Variants in CFAP46 observed in about 807,000 individuals in gnomAD.
CFAP46 encodes the protein cilia- and flagella-associated protein 46.
CFAP46 carries 245 observed loss-of-function variants against 325.7 expected under a neutral mutation model. The observed-to-expected ratio is 0.75, with a 90% confidence interval of 0.68 to 0.84. CFAP46 has a LOEUF of 0.84. CFAP46 is among the 40% of genes least tolerant of loss of function. CFAP46 has a pLI of 0.00. For missense variants in CFAP46, 3,346 were observed against 3,543.0 expected (o/e 0.94, Z 1.41); for synonymous variants, 1,523 against 1,495.9 (o/e 1.02, Z -0.42).
At chr10:132,837,914 G>C (rs1340679528) in intron 44 of CFAP46, among the ~76,000 whole-genome samples, 1 of 147,824 alleles carries the variant, frequency 6.8e-6, no homozygotes, top group African/African-American at 2.5e-5. Context: ...CACATACACG[G>C]ACCCAGACAC....
chr10:132,846,025 G>C, intron 44 of CFAP46, 32 bp downstream of exon 44: 1 of 1,586,392 alleles, frequency 6.3e-7, no homozygotes, highest in Non-Finnish European at 8.5e-7. Flanking sequence ...CCAGAGCTGG[G>C]GGCAGGTTCA....
At chr10:132,928,100 G>A (rs911014917) in intron 9 of CFAP46, among the ~76,000 whole-genome samples, 6 of 152,148 alleles carry the variant, frequency 3.9e-5, no homozygotes, top group Admixed American at 6.5e-5. Flanking sequence ...GCGACCCCAC[G>A]TCAGCAGGGG....
chr10:132,867,283 C>T (rs1848828785), intron 34 of CFAP46, 92 bp downstream of exon 34: 8 of 1,463,796 alleles, frequency 5.5e-6, no homozygotes, highest in East Asian at 2.5e-5. Flanking sequence ...ACACACAGGC[C>T]GGCCGCCTGG....
Position 132,866,010 on chromosome 10 carries a change from G to T in CFAP46, c.4890+15C>A, listed in dbSNP as rs1162845247. 6 of 1,491,086 alleles carry T rather than the reference G, an allele frequency of 4.0e-6. No homozygotes were observed. Among genetic ancestry groups the T allele is most frequent in the Non-Finnish European group, 4.5e-6 (5 of 1,115,862 alleles). 92.4% of individuals were successfully genotyped at this position (1,491,086 alleles called of 1,614,324 possible). Reference sequence around the variant, plus strand: ...AGCGGCTGTGGATGGTGATGGGCTGGGAGGGGCTCCTCACCTGGAAAGCCA... The same window carrying T: ...AGCGGCTGTGGATGGTGATGGGCTGTGAGGGGCTCCTCACCTGGAAAGCCA... On this transcript the variant is annotated intron_variant, in intron 35 of 57. Transcript: ENST00000368586.
intron 44 of CFAP46, among the ~76,000 whole-genome samples, chr10:132,838,515 G>C (rs1015200186): frequency 6.6e-6 from 1 of 152,404 alleles, no homozygotes; most frequent in African/African-American, 2.4e-5. Context: ...GCTCAGGTGG[G>C]CTTTTCTGCC....
intron 36 of CFAP46, 79 bp from the exon 37 acceptor site, chr10:132,860,602 GGA>G: frequency 8.1e-7 from 1 of 1,230,864 alleles, no homozygotes; most frequent in South Asian, 1.3e-5. Context: ...GGGCGGGCAG[GGA>G]CAGATACGGG....
Position 132,817,790 on chromosome 10 carries a change from G to A in CFAP46, c.7118-2876C>T, listed in dbSNP as rs924489231. ...TGCTGTTAACCAATTACTACAAAAC[G>A]CAGGCTTGATGTGGCACTGCTTCCT... is the stretch of plus-strand genomic sequence containing the variant. On this transcript the variant is annotated intron_variant, in intron 50 of 57. Coordinates refer to ENST00000368586, the MANE Select transcript of CFAP46 (RefSeq NM_001200049.3). This position sits in a 1 kb window ranked among gnomAD's most constrained non-coding sequence, Gnocchi z 4.4. 1.3e-5 allele frequency among the ~76,000 whole-genome samples: 2 copies of A among 152,228 alleles called. No individual in the cohort carries two copies. Among genetic ancestry groups the A allele is most frequent in the African/African-American group, 4.8e-5 (2 of 41,464 alleles).
intron 37 of CFAP46, among the ~76,000 whole-genome samples, 156 bp from the exon 38 acceptor site, chr10:132,859,403 A>G (rs547501663): frequency 7.2e-4 from 109 of 152,234 alleles, no homozygotes; most frequent in African/African-American, 5.5e-4. Context: ...TATGGGCCTC[A>G]TTCTGTGATC....
chr10:132,868,522 C>A (rs959868645), intron 33 of CFAP46, among the ~76,000 whole-genome samples: 17 of 152,210 alleles, frequency 1.1e-4, no homozygotes, highest in Non-Finnish European at 2.5e-4. Flanking sequence ...CAGGTGAAGG[C>A]TGGTTACCAC....
intron 25 of CFAP46, among the ~76,000 whole-genome samples, chr10:132,890,753 G>A (rs933982268): frequency 4.6e-5 from 7 of 152,148 alleles, no homozygotes; most frequent in Non-Finnish European, 2.9e-5. Flanking sequence ...CGGACTTGCC[G>A]TGTGCGTCGG....
chr10:132,940,396 T>C (rs935785792), intron 4 of CFAP46, among the ~76,000 whole-genome samples: 2 of 151,832 alleles, frequency 1.3e-5, no homozygotes, highest in African/African-American at 4.8e-5. Context: ...TGAAGCATGA[T>C]ATTTGTTTTT....
intron 50 of CFAP46, among the ~76,000 whole-genome samples, chr10:132,818,802 C>T (rs182727885): frequency 8.9e-4 from 134 of 150,216 alleles, no homozygotes; most frequent in African/African-American, 3.2e-3. Context: ...TGCAGTGAGC[C>T]GAGATTGCGC....
rs1177516576 is a variant in CFAP46 at position 132,938,609 on chromosome 10, C to G, written c.516G>C (p.Glu172Asp). 2 of 1,613,424 alleles carry G rather than the reference C, an allele frequency of 1.2e-6. No homozygotes were observed. The highest frequency in any genetic ancestry group is 1.7e-6 in the Non-Finnish European group (2 of 1,179,984). The change falls in exon 5 of 58, where the codon GAG (glutamate) becomes GAC (aspartate). Residue 172 changes from glutamate to aspartate, a missense_variant. Physicochemically the swap from Glu to Asp is conservative, Grantham distance 45. Coordinates refer to ENST00000368586, the MANE Select transcript of CFAP46 (RefSeq NM_001200049.3). The stretch of plus-strand genomic sequence containing the variant: ...CTCACAGCATCAGCTCAGCACGCCA[C>G]TCCTTGTCTTCCTCCTCAGTCTGAC... ...VLSQTEEEDK[E>D]WRAELMLELL... is the part of the protein sequence containing the mutation.
chr10:132,825,343 C>G (rs542469698), intron 50 of CFAP46, among the ~76,000 whole-genome samples: 3 of 152,110 alleles, frequency 2.0e-5, no homozygotes, highest in East Asian at 3.9e-4. Flanking sequence ...TGTGTGTGTC[C>G]ACCGCGCTGT....
Position 132,898,845 on chromosome 10 carries a change from A to G in CFAP46, c.3219+114T>C, listed in dbSNP as rs769733175. ...TCCCCTCCTCGGCTGGTGCTGGTGC[A>G]CCCTCTGGGAGGCCTGTGGGGTCTG... On this transcript the variant is annotated intron_variant, in intron 24 of 57. Transcript: ENST00000368586. 2.2e-6 allele frequency: 3 copies of G among 1,366,580 alleles called. No individual in the cohort carries two copies. The South Asian group carries it at 3.8e-5, about 17-fold the overall frequency. The allele number at this position is 1,366,580 out of a possible 1,614,324, so 84.7% of individuals were successfully genotyped here.
Position 132,892,399 on chromosome 10 carries a change from G to A in CFAP46, c.3238C>T (p.Leu1080Phe), listed in dbSNP as rs1488102415. The change falls in exon 25 of 58, where the codon CTT (leucine) becomes TTT (phenylalanine). Residue 1080 changes from leucine (L) to phenylalanine (F), a missense_variant. Coordinates refer to ENST00000368586, the MANE Select transcript of CFAP46 (RefSeq NM_001200049.3). ...ARKQEKGKTLLLHQWPTADFQ... is the reference protein window; with the variant it reads ...ARKQEKGKTLFLHQWPTADFQ... ...TCGGCCGTGGGCCACTGGTGCAGAAGCAGCGTCTTTCCTTTCTCCTAAAGT... is the reference window on the plus strand; with the variant it reads ...TCGGCCGTGGGCCACTGGTGCAGAAACAGCGTCTTTCCTTTCTCCTAAAGT... 6 of 1,550,884 alleles carry A rather than the reference G, an allele frequency of 3.9e-6. No individual in the cohort carries two copies. Among genetic ancestry groups the A allele is most frequent in the Non-Finnish European group, 5.2e-6 (6 of 1,147,070 alleles).
In CFAP46 at chr10:132,913,192, C is replaced by G; in HGVS notation, c.2187G>C (p.Gln729His). ...GCACAATCCACGCCTCCTGGATCTC[C>G]TGTCCGATCTCTGCGGAGCGCAGCC... is the stretch of plus-strand genomic sequence containing the variant. ...NNWLRSAEIGQEIQEAWIVQN... is the reference protein window; with the variant it reads ...NNWLRSAEIGHEIQEAWIVQN... The change falls in exon 18 of 58, where the codon CAG (glutamine) becomes CAC (histidine). Residue 729 changes from glutamine (Q) to histidine (H), a missense_variant. Coordinates refer to ENST00000368586, the MANE Select transcript of CFAP46 (RefSeq NM_001200049.3). 1 of 1,550,486 alleles carries G rather than the reference C, an allele frequency of 6.4e-7. No individual in the cohort carries two copies. The highest frequency in any genetic ancestry group is 8.7e-7 in the Non-Finnish European group (1 of 1,147,006).
At position 132,808,992 on chromosome 10, in the gene CFAP46, G is replaced by T; in HGVS notation, c.7665-88C>A. ...GACCAGGGCACAGGGGCGGGAAGTG[G>T]CAGCTGCTCCAACTGAGGGCGCTCT... On this transcript the variant is annotated intron_variant, in intron 57 of 57. Coordinates refer to ENST00000368586, the MANE Select transcript of CFAP46 (RefSeq NM_001200049.3). The surrounding 1 kb of genome is among the most constrained non-coding windows in gnomAD (Gnocchi z 6.8). 2.9e-5 allele frequency: 39 copies of T among 1,349,682 alleles called. No individual in the cohort carries two copies. The highest frequency in any genetic ancestry group is 3.9e-5 in the Non-Finnish European group (39 of 1,004,512). The allele number at this position is 1,349,682 out of a possible 1,614,324, so 83.6% of individuals were successfully genotyped here. A position where few individuals can be genotyped will look rare whatever the true frequency, so the allele number is the denominator to read the frequency against.
intron 34 of CFAP46, among the ~76,000 whole-genome samples, chr10:132,866,574 C>T (rs368277153): frequency 5.3e-5 from 8 of 152,288 alleles, no homozygotes; most frequent in Non-Finnish European, 7.4e-5. Context: ...CTTGCTAGGG[C>T]GCCCCGGGTG....
Sources: allele counts gnomAD v4.1 joint callset (sites outside exome capture counted in the v4.1 genomes callset), GRCh38; gene constraint gnomAD v4.1.1; non-coding constraint Gnocchi (gnomAD v3.1); transcripts MANE v1.5; gene names NCBI Gene and HGNC (gene_info 2026-07-23, HGNC 2026-07-21).